The following BORCS5 variants were observed in gnomAD, a reference collection of about 807,000 sequenced individuals.
The protein encoded by BORCS5 is BLOC-1 related complex subunit 5, also known as BLOC-1-related complex subunit 5.
BORCS5 carries 17 observed loss-of-function variants against 22.1 expected under a neutral mutation model. That is an observed-to-expected ratio of 0.77 (90% CI 0.53 to 1.15). The LOEUF (loss-of-function observed/expected upper bound fraction) is 1.15, where lower values mean the gene tolerates loss of function less well. Among genes scored for constraint, BORCS5 ranks in the 50% most tolerant of loss-of-function variants. BORCS5 has a pLI of 0.00. For synonymous variants in BORCS5, 117 were observed against 99.8 expected (o/e 1.17, Z -1.03); for missense variants, 247 against 253.2 (o/e 0.98, Z 0.17).
At chr12:12,374,843 C>T (rs1036197124) in intron 2 of BORCS5, among the ~76,000 whole-genome samples, 1 of 150,988 alleles carries the variant, frequency 6.6e-6, no homozygotes, top group African/African-American at 2.4e-5. Flanking sequence ...CTGTAATCAG[C>T]TACTGGGGAG....
chr12:12,415,757 A>G (rs377193705), intron 2 of BORCS5, among the ~76,000 whole-genome samples: 89 of 151,986 alleles, frequency 5.9e-4, no homozygotes, highest in African/African-American at 1.9e-3. Context: ...TTTTGCATCA[A>G]TGTTTGTAAG....
intron 2 of BORCS5, among the ~76,000 whole-genome samples, chr12:12,399,884 T>A (rs1941428764): frequency 6.6e-6 from 1 of 152,224 alleles, no homozygotes. Context: ...ACTCAAAGTG[T>A]CATTGTTTTC....
intron 2 of BORCS5, among the ~76,000 whole-genome samples, chr12:12,414,343 C>T (rs1309797392): frequency 9.4e-6 from 1 of 105,950 alleles, no homozygotes; most frequent in African/African-American, 3.8e-5. Context: ...GGCTGGCCCC[C>T]CCACCTCCCT....
At chr12:12,411,427 G>A (rs961179729) in intron 2 of BORCS5, among the ~76,000 whole-genome samples, 6 of 152,102 alleles carry the variant, frequency 3.9e-5, no homozygotes, top group Admixed American at 1.3e-4. Context: ...GCCCATTTAT[G>A]AATTGGGTTG....
At chr12:12,422,979 G>A (rs548719682) in intron 2 of BORCS5, among the ~76,000 whole-genome samples, 9 of 133,354 alleles carry the variant, frequency 6.7e-5, no homozygotes, top group African/African-American at 2.4e-4. Flanking sequence ...TAAATACATG[G>A]GCTTTTTTTT....
intron 2 of BORCS5, among the ~76,000 whole-genome samples, chr12:12,398,782 G>T (rs1941406588): frequency 6.6e-6 from 1 of 152,180 alleles, no homozygotes; most frequent in Admixed American, 6.5e-5. Flanking sequence ...GGGAATTCAG[G>T]CAGCCCAATC....
intron 1 of BORCS5, 53 bp downstream of exon 1, chr12:12,357,562 G>A (rs1863172169): frequency 6.4e-7 from 1 of 1,566,468 alleles, no homozygotes; most frequent in African/African-American, 1.4e-5. Context: ...CCCTTGCAGA[G>A]CGGGCTGCCT....
intron 2 of BORCS5, among the ~76,000 whole-genome samples, chr12:12,377,647 A>G (rs1318966906): frequency 6.6e-6 from 1 of 152,066 alleles, no homozygotes; most frequent in Non-Finnish European, 1.5e-5. Flanking sequence ...CTCATTTGGG[A>G]GATAATACAT....
intron 1 of BORCS5, among the ~76,000 whole-genome samples, chr12:12,359,365 T>TC (rs1491414031): frequency 8.0e-5 from 2 of 24,984 alleles, no homozygotes; most frequent in Admixed American, 6.9e-4. Flanking sequence ...GACTTGACTC[T>TC]TTTTTTTTTT....
intron 3 of BORCS5, among the ~76,000 whole-genome samples, chr12:12,458,219 T>C (rs1175016410): frequency 6.6e-6 from 1 of 152,252 alleles, no homozygotes; most frequent in Non-Finnish European, 1.5e-5. Flanking sequence ...AGTTTTACTC[T>C]TAACACCTCC....
chr12:12,386,722 G>A (rs1322183804), intron 2 of BORCS5, among the ~76,000 whole-genome samples: 1 of 150,260 alleles, frequency 6.7e-6, no homozygotes, highest in South Asian at 2.1e-4. Context: ...CACCTGCCTC[G>A]GCCTCCCAAA....
At position 12,405,783 on chromosome 12, in the gene BORCS5, T is replaced by C. The variant is rs76085770; in HGVS notation, c.203-29845T>C. ...AATACTCTGAGCTACATTCAAGGTA[T>C]ATAGTGCTATTCCTCTTTTACTAAT... is the stretch of plus-strand genomic sequence containing the variant. On this transcript the variant is annotated intron_variant, in intron 2 of 3. Transcript: ENST00000314565. Among the ~76,000 whole-genome samples, 122 of 152,386 alleles carry C rather than the reference T, an allele frequency of 8.0e-4. 1 individual carries two copies. The East Asian group carries it at 0.018, about 22-fold the overall frequency.
chr12:12,413,849 C>A (rs1269578154), intron 2 of BORCS5, among the ~76,000 whole-genome samples: 1 of 69,922 alleles, frequency 1.4e-5, no homozygotes. Context: ...GCCCCCCCAC[C>A]TCCCTCCCGG....
chr12:12,382,534 CTTT>C (rs199692677), intron 2 of BORCS5, among the ~76,000 whole-genome samples: 6 of 132,432 alleles, frequency 4.5e-5, no homozygotes, highest in Non-Finnish European at 3.2e-5. Flanking sequence ...TGGTATATAT[CTTT>C]TTTTTTTTTT....
chr12:12,446,671 T>TCTG (rs1438889154), intron 3 of BORCS5, among the ~76,000 whole-genome samples: 4 of 152,366 alleles, frequency 2.6e-5, no homozygotes, highest in South Asian at 4.1e-4. Context: ...TTAATTTTCT[T>TCTG]CTGCCCACGT....
At chr12:12,464,232 C>T (rs900345946) in intron 3 of BORCS5, among the ~76,000 whole-genome samples, 11 of 151,830 alleles carry the variant, frequency 7.2e-5, no homozygotes, top group African/African-American at 1.9e-4. Context: ...TCCTTCTCCC[C>T]GTGCCCAACT....
intron 3 of BORCS5, among the ~76,000 whole-genome samples, chr12:12,449,909 G>T (rs1942875840): frequency 6.6e-6 from 1 of 152,184 alleles, no homozygotes; most frequent in Non-Finnish European, 1.5e-5. Flanking sequence ...GCAGATCCAG[G>T]CTCACCGAGC....
At chr12:12,418,025 T>C (rs1050971154) in intron 2 of BORCS5, among the ~76,000 whole-genome samples, 1 of 116,116 alleles carries the variant, frequency 8.6e-6, no homozygotes, top group Non-Finnish European at 1.8e-5. Flanking sequence ...TATTTATTTA[T>C]TTATTTATTT....
intron 2 of BORCS5, among the ~76,000 whole-genome samples, chr12:12,362,662 T>TTTTA (rs869063824): frequency 2.1e-5 from 3 of 143,340 alleles, no homozygotes; most frequent in South Asian, 2.2e-4. Flanking sequence ...TTTTTTTTTT[T>TTTTA]AGAGTTTTGC....
Sources: allele counts gnomAD v4.1 joint callset (sites outside exome capture counted in the v4.1 genomes callset), GRCh38; gene constraint gnomAD v4.1.1; transcripts MANE v1.5; gene names NCBI Gene and HGNC (gene_info 2026-07-23, HGNC 2026-07-21).